CARD8: variants seen among roughly 807,000 people sequenced by gnomAD.
CARD8 encodes the protein caspase recruitment domain family member 8.
Under a neutral mutation model 53.2 loss-of-function variants are expected in CARD8, and 38 were observed. That is an observed-to-expected ratio of 0.71 (90% CI 0.55 to 0.94). CARD8 has a LOEUF of 0.94. Among genes scored for constraint, CARD8 ranks in the 40% least tolerant of loss-of-function variants. The pLI is 0.00. For synonymous variants in CARD8, 245 were observed against 244.9 expected (o/e 1.00, Z 0.00); for missense variants, 561 against 655.5 (o/e 0.86, Z 1.57).
intron 10 of CARD8, among the ~76,000 whole-genome samples, chr19:48,229,703 T>C (rs1044217262): frequency 3.3e-5 from 5 of 151,918 alleles, no homozygotes; most frequent in Non-Finnish European, 5.9e-5. Context: ...CAGAAGAGAG[T>C]GTGGGAATAT....
At chr19:48,234,206 T>C (rs73575110) in intron 6 of CARD8, 197 bp downstream of exon 6, 8,919 of 562,668 alleles carry the variant, frequency 0.016, 495 homozygotes, top group African/African-American at 0.13. Context: ...ATAGGTTCTC[T>C]AGACACCTCC....
intron 10 of CARD8, among the ~76,000 whole-genome samples, chr19:48,228,492 G>C (rs920425241): frequency 6.6e-6 from 1 of 152,110 alleles, no homozygotes; most frequent in African/African-American, 2.4e-5. Context: ...TCACTGACTG[G>C]GTGACGCTAA....
At chr19:48,236,187 C>G (rs1306519356) in intron 5 of CARD8, among the ~76,000 whole-genome samples, 1 of 152,168 alleles carries the variant, frequency 6.6e-6, no homozygotes, top group Non-Finnish European at 1.5e-5. Flanking sequence ...CTTGGGCTAT[C>G]TGCCATTGGT....
chr19:48,222,625 A>C (rs2040887211), intron 10 of CARD8, among the ~76,000 whole-genome samples: 1 of 151,360 alleles, frequency 6.6e-6, no homozygotes, highest in Non-Finnish European at 1.5e-5. Flanking sequence ...GGAGGCAGAG[A>C]TTGCAGTGAG....
chr19:48,205,430 A>G (rs1363882569), downstream of CARD8, among the ~76,000 whole-genome samples: 1 of 152,056 alleles, frequency 6.6e-6, no homozygotes, highest in Non-Finnish European at 1.5e-5. Context: ...GGGTTTCACC[A>G]TGTTGGCCAG....
downstream of CARD8, among the ~76,000 whole-genome samples, chr19:48,205,666 A>G (rs542858747): frequency 1.5e-4 from 23 of 152,272 alleles, no homozygotes; most frequent in African/African-American, 5.5e-4. Flanking sequence ...AGATGAGGAA[A>G]CTGCACCACA....
rs1245041376 is a variant in CARD8 at position 48,210,392 on chromosome 19, TAATG to T, written c.*1314_*1317del. 8.5e-5 allele frequency: 13 copies of T among 152,166 alleles called. No homozygotes were observed. The highest frequency in any genetic ancestry group is 2.4e-4 in the African/African-American group (10 of 41,532). 9.4% of individuals were successfully genotyped at this position (152,166 alleles called of 1,614,324 possible). On this transcript the variant is annotated 3_prime_UTR_variant, in exon 14 of 14. Coordinates refer to ENST00000651546, the MANE Select transcript of CARD8 (RefSeq NM_001184900.3). The stretch of plus-strand genomic sequence containing the variant: ...AATTTGCAGAACGAAATTTGGAAAA[TAATG>T]AAGGAAGAGCAACAGAAATGGTAAA...
Position 48,230,371 on chromosome 19 carries a change from G to A in CARD8, c.1035+67C>T, listed in dbSNP as rs889343179. The A allele has an allele frequency of 2.0e-6, 3 of 1,501,882 alleles. No individual in the cohort carries two copies. In the South Asian group the frequency reaches 3.9e-5, roughly 20 times the overall value. The allele number at this position is 1,501,882 out of a possible 1,614,324, so 93.0% of individuals were successfully genotyped here. On this transcript the variant is annotated intron_variant, in intron 10 of 13. Coordinates refer to ENST00000651546, the MANE Select transcript of CARD8 (RefSeq NM_001184900.3). ...CCTTTCTGTTCCACGAGGAACTGGA[G>A]GGGCCAAGGGGATAACCTGGAAATA...
chr19:48,207,156 ACT>A (rs1175563344), downstream of CARD8, among the ~76,000 whole-genome samples: 2 of 123,792 alleles, frequency 1.6e-5, no homozygotes, highest in East Asian at 4.4e-4. Context: ...CGACAGAGAG[ACT>A]CTGTCTCAAA....
rs369625179 is a variant in CARD8, at chr19:48,218,957, T to C, written c.1217A>G (p.Tyr406Cys). The C allele has an allele frequency of 3.3e-5, 54 of 1,613,846 alleles. No homozygotes were observed. Among genetic ancestry groups the C allele is most frequent in the Admixed American group, 2.0e-4 (12 of 60,012 alleles). Residue 406 changes from tyrosine to cysteine, a missense_variant, in exon 12 of 14, where the codon TAT (tyrosine) becomes TGT (cysteine). Coordinates refer to ENST00000651546, the MANE Select transcript of CARD8 (RefSeq NM_001184900.3). ...AATGGGTTCCTTCATCTGCCCAGCA[T>C]AGAATTTTGAGAAGTGCTGAATTTC... The part of the protein sequence containing the change: ...PGEIQHFSKF[Y>C]AGQMKEPIQL...
chr19:48,244,386 GACAAA>G (rs2045750045), intron 3 of CARD8, among the ~76,000 whole-genome samples: 1 of 152,236 alleles, frequency 6.6e-6, no homozygotes, highest in African/African-American at 2.4e-5. Flanking sequence ...CTCACCGGCT[GACAAA>G]ACTGTGTTAA....
intron 10 of CARD8, among the ~76,000 whole-genome samples, chr19:48,225,256 T>C (rs901234856): frequency 6.6e-6 from 1 of 151,690 alleles, no homozygotes; most frequent in Non-Finnish European, 1.5e-5. Context: ...TTTGGGAGGC[T>C]GAGGTGGGCA....
chr19:48,255,520 C>A (rs1233642313), intron 1 of CARD8, among the ~76,000 whole-genome samples: 1 of 152,026 alleles, frequency 6.6e-6, no homozygotes, highest in Admixed American at 6.5e-5. Context: ...GAAATTAAAA[C>A]AAATTGAGTG....
Position 48,242,273 on chromosome 19 carries a change from G to A in CARD8, c.-43-1210C>T, listed in dbSNP as rs958864573. 1.2e-3 allele frequency among the ~76,000 whole-genome samples: 180 copies of A among 152,142 alleles called. 1 individual carries two copies. Among genetic ancestry groups the A allele is most frequent in the African/African-American group, 3.7e-3 (152 of 41,516 alleles). ...TCGCTCCCGCTTTCTACCGTGGGAG[G>A]GCGCAGCAAGAAGTCAGCCGTCTAT... is the stretch of plus-strand genomic sequence containing the variant. On this transcript the variant is annotated intron_variant, in intron 3 of 13. Coordinates refer to ENST00000651546, the MANE Select transcript of CARD8 (RefSeq NM_001184900.3).
chr19:48,246,618 T>A (rs371509196), intron 3 of CARD8, among the ~76,000 whole-genome samples: 2 of 150,478 alleles, frequency 1.3e-5, no homozygotes. Context: ...AAATCAATAA[T>A]AAAAAAAAAC....
Position 48,215,379 on chromosome 19 carries a change from G to T in CARD8, c.1309C>A (p.Leu437Ile). 1 of 1,609,336 alleles carries T rather than the reference G, an allele frequency of 6.2e-7. No individual in the cohort carries two copies. Among genetic ancestry groups the T allele is most frequent in the Non-Finnish European group, 8.5e-7 (1 of 1,175,900 alleles). Residue 437 changes from leucine to isoleucine, a missense_variant, in exon 13 of 14, where the codon CTC becomes ATC. Physicochemically the swap from Leu to Ile is conservative, Grantham distance 5 (BLOSUM62 2). Coordinates refer to ENST00000651546, the MANE Select transcript of CARD8 (RefSeq NM_001184900.3). ...GGGGCTGATGCAGCTACAAGCTGGA[G>T]ATCCACTACAAAAGAGGGAAAAATT... Reference protein sequence around the residue: ...VWDTEVKPVDLQLVAASAPPP... With the variant: ...VWDTEVKPVDIQLVAASAPPP...
At chr19:48,246,155 G>A (rs2046071030) in intron 3 of CARD8, among the ~76,000 whole-genome samples, 4 of 151,980 alleles carry the variant, frequency 2.6e-5, no homozygotes, top group African/African-American at 7.3e-5. Context: ...ACATTTTTGC[G>A]GAACATGGTC....
intron 6 of CARD8, 110 bp downstream of exon 6, chr19:48,234,293 A>T: frequency 4.5e-6 from 5 of 1,117,592 alleles, no homozygotes; most frequent in African/African-American, 3.1e-5. Flanking sequence ...AAGCTCATTC[A>T]TTCTCCCCTG....
intron 4 of CARD8, among the ~76,000 whole-genome samples, chr19:48,239,414 T>C (rs2044537209): frequency 6.6e-6 from 1 of 151,982 alleles, no homozygotes. Context: ...AAGCAAACAA[T>C]TCGTCCTAGT....
Sources: allele counts gnomAD v4.1 joint callset (sites outside exome capture counted in the v4.1 genomes callset), GRCh38; gene constraint gnomAD v4.1.1; transcripts MANE v1.5; gene names NCBI Gene and HGNC (gene_info 2026-07-23, HGNC 2026-07-21).